The following LRP1B variants were observed in gnomAD, a reference collection of about 807,000 sequenced individuals.
The protein encoded by LRP1B is LDL receptor related protein 1B.
In LRP1B, 217 loss-of-function variants were observed where a neutral mutation model predicts 556.6. The ratio of observed to expected loss-of-function variants is 0.39; its 90% CI spans 0.35 to 0.44. The LOEUF (loss-of-function observed/expected upper bound fraction) is 0.44. Ranked by LOEUF, LRP1B falls within the 20% of genes least tolerant of loss-of-function variation. The probability of loss-of-function intolerance (pLI) is 1.00; values close to 1 mark genes in which losing one functional copy is unlikely to be tolerated. For synonymous variants in LRP1B, 2,047 were observed against 1,865.8 expected, an observed-to-expected ratio of 1.10 and a Z score of -2.50; for missense variants, 5,053 against 5,620.8, an observed-to-expected ratio of 0.90 and a Z score of 3.23.
At chr2:141,130,462 A>G (rs984908312) in intron 7 of LRP1B, among the ~76,000 whole-genome samples, 3 of 152,114 alleles carry the variant, frequency 2.0e-5, no homozygotes, top group African/African-American at 7.2e-5. Context: ...GTAATGTGTT[A>G]CATACCATGT....
intron 3 of LRP1B, among the ~76,000 whole-genome samples, chr2:141,270,433 A>G (rs866921960): frequency 5.3e-5 from 8 of 152,094 alleles, no homozygotes; most frequent in African/African-American, 1.7e-4. Context: ...ACTTCTGGGC[A>G]TTACTCAAAA....
chr2:140,244,365 A>G (rs1681070302), intron 87 of LRP1B, among the ~76,000 whole-genome samples: 1 of 151,316 alleles, frequency 6.6e-6, no homozygotes, highest in Non-Finnish European at 1.5e-5. Flanking sequence ...AAAATACAGC[A>G]TCTCTACATT....
chr2:141,665,653 G>A (rs375380730), intron 2 of LRP1B, among the ~76,000 whole-genome samples: 2 of 152,070 alleles, frequency 1.3e-5, no homozygotes, highest in Admixed American at 1.3e-4. Flanking sequence ...CACTATTCAC[G>A]ATAGCAAAGA....
chr2:141,213,235 GC>G lies in LRP1B; in HGVS notation c.850+15947del, dbSNP rs200057099. 6.2e-3 allele frequency among the ~76,000 whole-genome samples: 944 copies of G among 151,732 alleles called. 48 individuals carry two copies. In the East Asian group the frequency reaches 0.12, roughly 20 times the overall value. ...CACAGTGCTGGGATTACAGACATGA[GC>G]CCCCATGCCCAGCCAAAACACTTCT... On this transcript the variant is annotated intron_variant, in intron 6 of 90. Coordinates refer to ENST00000389484, the MANE Select transcript of LRP1B (RefSeq NM_018557.3).
intron 1 of LRP1B, among the ~76,000 whole-genome samples, chr2:142,087,287 C>T (rs112041271): frequency 6.6e-6 from 1 of 151,828 alleles, no homozygotes; most frequent in Non-Finnish European, 1.5e-5. Flanking sequence ...AAATAATCTT[C>T]CTATGTTGTT....
chr2:140,895,514 G>A (rs1223633824), intron 23 of LRP1B, among the ~76,000 whole-genome samples: 2 of 152,096 alleles, frequency 1.3e-5, no homozygotes, highest in East Asian at 1.9e-4. Context: ...CTCACCGGCA[G>A]GAGCAGAACT....
chr2:140,778,066 TA>T (rs35495480), intron 32 of LRP1B, among the ~76,000 whole-genome samples: 50,673 of 151,926 alleles, frequency 0.33, 8,485 homozygotes, highest in African/African-American at 0.37. Context: ...AATTGATCAA[TA>T]AAAACTATTA....
chr2:141,096,661 A>AGAGAGG (rs1700323027), intron 7 of LRP1B, among the ~76,000 whole-genome samples: 8 of 84,722 alleles, frequency 9.4e-5, no homozygotes, highest in South Asian at 4.2e-4. Context: ...AGAGAGAGAG[A>AGAGAGG]GAGAGAGAGA....
chr2:140,332,627 G>T (rs776792185), intron 79 of LRP1B, among the ~76,000 whole-genome samples: 35 of 152,014 alleles, frequency 2.3e-4, no homozygotes, highest in Non-Finnish European at 4.4e-4. Context: ...GATTGATGGG[G>T]CATATCAAAA....
At chr2:140,607,400 C>A (rs1682906943) in intron 41 of LRP1B, among the ~76,000 whole-genome samples, 1 of 151,990 alleles carries the variant, frequency 6.6e-6, no homozygotes, top group Non-Finnish European at 1.5e-5. Context: ...AGTGACCCAG[C>A]TTTTCTACTA....
At chr2:140,787,045 C>A (rs1689929779) in intron 32 of LRP1B, among the ~76,000 whole-genome samples, 1 of 152,092 alleles carries the variant, frequency 6.6e-6, no homozygotes, top group Admixed American at 6.5e-5. Context: ...AGAGGAAGAG[C>A]AGGATGGGGA....
intron 17 of LRP1B, among the ~76,000 whole-genome samples, chr2:140,986,915 A>G (rs1413512317): frequency 6.6e-6 from 1 of 152,220 alleles, no homozygotes; most frequent in Non-Finnish European, 1.5e-5. Flanking sequence ...TCACAATGCA[A>G]ACAGCTACAG....
intron 1 of LRP1B, among the ~76,000 whole-genome samples, chr2:141,983,483 G>T (rs992994293): frequency 6.6e-6 from 1 of 151,842 alleles, no homozygotes. Context: ...ATCTCTTATT[G>T]AGAAAGGATG....
At chr2:142,065,427 C>T (rs905021976) in intron 1 of LRP1B, among the ~76,000 whole-genome samples, 1 of 151,046 alleles carries the variant, frequency 6.6e-6, no homozygotes, top group African/African-American at 2.4e-5. Flanking sequence ...CCTGCTTGGC[C>T]TCATTCTGAT....
chr2:141,107,351 G>C (rs1197189971), intron 7 of LRP1B, among the ~76,000 whole-genome samples: 1 of 151,918 alleles, frequency 6.6e-6, no homozygotes, highest in East Asian at 1.9e-4. Context: ...AAAAAAACTT[G>C]GAAGACTATA....
At chr2:140,775,013 C>A (rs12691563) in intron 33 of LRP1B, among the ~76,000 whole-genome samples, 129,823 of 152,164 alleles carry the variant, frequency 0.85, 55,647 homozygotes, top group East Asian at 1. Flanking sequence ...CAACAATGAA[C>A]GGAATGCAAT....
intron 35 of LRP1B, among the ~76,000 whole-genome samples, chr2:140,766,822 AATATATATATATATATATATATT>A (rs1165104966): frequency 1.5e-4 from 16 of 105,642 alleles, no homozygotes; most frequent in African/African-American, 6.6e-4. Context: ...ATCTTTGTAA[AATATATATATATATATATATATT>A]ATATATATAT....
rs563973901 is a variant in LRP1B at position 141,521,565 on chromosome 2, C to A, written c.206-41032G>T. Among the ~76,000 whole-genome samples the A allele has an allele frequency of 5.3e-5, 8 of 151,636 alleles. 1 individual carries two copies. The Middle Eastern group carries it at 0.014, about 260-fold the overall frequency. ...AATAGAGTATTGATCCTGCCAGTTG[C>A]ATAATTTAGATTTGCTTTCAGATTG... On this transcript the variant is annotated intron_variant, in intron 2 of 90. Transcript: ENST00000389484.
chr2:142,115,116 C>T (rs1191348594), intron 1 of LRP1B, among the ~76,000 whole-genome samples: 1 of 151,796 alleles, frequency 6.6e-6, no homozygotes, highest in Non-Finnish European at 1.5e-5. Flanking sequence ...AGGAATTGTT[C>T]TTGCAATTGG....
Sources: allele counts gnomAD v4.1 joint callset (sites outside exome capture counted in the v4.1 genomes callset), GRCh38; gene constraint gnomAD v4.1.1; transcripts MANE v1.5; gene names NCBI Gene and HGNC (gene_info 2026-07-23, HGNC 2026-07-21).